PIK3CG: variants seen among roughly 807,000 people sequenced by gnomAD.
The protein encoded by PIK3CG is phosphatidylinositol-4,5-bisphosphate 3-kinase catalytic subunit gamma.
A neutral mutation model predicts 102.3 loss-of-function variants in PIK3CG; 55 were observed. The observed-to-expected ratio is 0.54, with a 90% CI of 0.43 to 0.67. PIK3CG has a LOEUF of 0.67. Ranked by LOEUF, PIK3CG falls within the 30% of genes least tolerant of loss-of-function variation. The pLI, the probability that PIK3CG is intolerant of heterozygous loss-of-function variation, is 0.00. For synonymous variants in PIK3CG, 552 were observed against 540.0 expected, an observed-to-expected ratio of 1.02 and a Z score of -0.31; for missense variants, 1,258 against 1,391.8, an observed-to-expected ratio of 0.90 and a Z score of 1.53.
At position 106,905,536 on chromosome 7, in the gene PIK3CG, G is replaced by A; in HGVS notation, c.*149G>A. The A allele has an allele frequency of 1.4e-6, 1 of 703,088 alleles. No homozygotes were observed. Among genetic ancestry groups the A allele is most frequent in the Non-Finnish European group, 2.3e-6 (1 of 428,342 alleles). 43.6% of individuals were successfully genotyped at this position (703,088 alleles called of 1,614,324 possible). The stretch of plus-strand genomic sequence containing the variant: ...TTTCCTACCTGAACTCTTCCCTGGA[G>A]AAAAGATGTTGGCATTGCTGATTGT... On this transcript the variant is annotated 3_prime_UTR_variant, in exon 11 of 11. Transcript: ENST00000496166. This position sits in a 1 kb window ranked among gnomAD's most constrained non-coding sequence, Gnocchi z 5.6.
chr7:106,869,482 A>G lies in PIK3CG; in HGVS notation c.1921A>G (p.Arg641Gly), dbSNP rs1386026651. ...CTGCAACTTCTCAGATGAAAATGTA[A>G]GAGCCATTGCAGTTCAGAAACTGGA... ...LDCNFSDENV[R>G]AIAVQKLESL... The change falls in exon 2 of 11, where the codon AGA becomes GGA. Residue 641 changes from arginine to glycine, a missense_variant. By Grantham distance (125) the Arg-to-Gly change is moderately radical. Transcript: ENST00000496166. The surrounding 1 kb of genome is among the most constrained non-coding windows in gnomAD (Gnocchi z 5.3). 1 of 1,614,206 alleles carries G rather than the reference A, an allele frequency of 6.2e-7. No individual in the cohort carries two copies. The highest frequency in any genetic ancestry group is 8.5e-7 in the Non-Finnish European group (1 of 1,179,998).
Position 106,897,690 on chromosome 7 carries a change from G to A in PIK3CG, c.3031-7419G>A, listed in dbSNP as rs1388957285. On this transcript the variant is annotated intron_variant, in intron 10 of 10. Coordinates refer to ENST00000496166, the MANE Select transcript of PIK3CG (RefSeq NM_001282426.2). The surrounding 1 kb of genome is among the most constrained non-coding windows in gnomAD (Gnocchi z 4.6). Reference sequence around the variant, plus strand: ...GATAATAGCCCCCAGCTCCATCCATGTTCCCGCAAAAGACATGATCTCATT... The same window carrying A: ...GATAATAGCCCCCAGCTCCATCCATATTCCCGCAAAAGACATGATCTCATT... Among the ~76,000 whole-genome samples, 3 of 152,150 alleles carry A rather than the reference G, an allele frequency of 2.0e-5. No homozygotes were observed. The highest frequency in any genetic ancestry group is 7.2e-5 in the African/African-American group (3 of 41,436).
rs1317037867 is a variant in PIK3CG, at chr7:106,880,930, C to T, written c.2539-1187C>T. Among the ~76,000 whole-genome samples, 3 of 152,106 alleles carry T rather than the reference C, an allele frequency of 2.0e-5. No homozygotes were observed. Among genetic ancestry groups the T allele is most frequent in the Admixed American group, 6.5e-5 (1 of 15,280 alleles). On this transcript the variant is annotated intron_variant, in intron 6 of 10. Transcript: ENST00000496166. The surrounding 1 kb of genome is among the most constrained non-coding windows in gnomAD (Gnocchi z 4.2). ...GGCTCAATGAATCCTCCCACCTCAG[C>T]CTCCCACACAACTTTCACAGTCTTC...
In PIK3CG at chr7:106,905,412, A is replaced by G. The variant is rs2116620473; in HGVS notation, c.*25A>G. ...ATACTTTAGGCTAGAATCAAAAACA[A>G]GTTAGTGTTCTATGGTTTAAATTAG... On this transcript the variant is annotated 3_prime_UTR_variant, in exon 11 of 11. Coordinates refer to ENST00000496166, the MANE Select transcript of PIK3CG (RefSeq NM_001282426.2). This position sits in a 1 kb window ranked among gnomAD's most constrained non-coding sequence, Gnocchi z 5.6. 1 of 1,597,880 alleles carries G rather than the reference A, an allele frequency of 6.3e-7. No homozygotes were observed. Among genetic ancestry groups the G allele is most frequent in the Non-Finnish European group, 8.5e-7 (1 of 1,170,236 alleles).
rs376958957 is a variant in PIK3CG, at chr7:106,868,411, G to C, written c.850G>C (p.Glu284Gln). ...TGGCCGGGATGAGTACCTGGTGGGC[G>C]AAACGCCCATCAAAAACTTCCAGTG... ...VCGRDEYLVG[E>Q]TPIKNFQWVR... is the part of the protein sequence containing the mutation. The change falls in exon 2 of 11, where the codon GAA becomes CAA. Residue 284 changes from glutamate to glutamine, a missense_variant. This residue lies in a region of PIK3CG where 832 missense variants were observed against 787.5 expected (regional missense o/e 1.06). Transcript: ENST00000496166. The surrounding 1 kb of genome is among the most constrained non-coding windows in gnomAD (Gnocchi z 6.2). 2 of 1,614,226 alleles carry C rather than the reference G, an allele frequency of 1.2e-6. No individual in the cohort carries two copies. The highest frequency in any genetic ancestry group is 1.7e-6 in the Non-Finnish European group (2 of 1,180,042).
At chr7:106,871,518 A>G (rs1418041708) in intron 2 of PIK3CG, among the ~76,000 whole-genome samples, 1 of 152,218 alleles carries the variant, frequency 6.6e-6, no homozygotes, top group African/African-American at 2.4e-5. Flanking sequence ...ATAAACTAGA[A>G]TGTGAATTTC....
Position 106,883,190 on chromosome 7 carries a change from A to G in PIK3CG, c.2760+27A>G. On this transcript the variant is annotated intron_variant, in intron 8 of 10. Coordinates refer to ENST00000496166, the MANE Select transcript of PIK3CG (RefSeq NM_001282426.2). The surrounding 1 kb of genome is among the most constrained non-coding windows in gnomAD (Gnocchi z 5.8). ...TGAGCTCATGCTTTTTCCCAGTCTA[A>G]TGGCTCCTTACAAGTTGTCATTTAT... 6 of 1,613,380 alleles carry G rather than the reference A, an allele frequency of 3.7e-6. No individual in the cohort carries two copies. The highest frequency in any genetic ancestry group is 5.1e-6 in the Non-Finnish European group (6 of 1,179,396).
At position 106,880,001 on chromosome 7, in the gene PIK3CG, T is replaced by A. The variant is rs1393301674; in HGVS notation, c.2538+336T>A. ...TTATCCCCAGCACTCACTTCATTCC[T>A]GCCCATAGACATGTCTGCACATCTC... On this transcript the variant is annotated intron_variant, in intron 6 of 10. Transcript: ENST00000496166. The surrounding 1 kb of genome is among the most constrained non-coding windows in gnomAD (Gnocchi z 4.2). Among the ~76,000 whole-genome samples the A allele has an allele frequency of 6.6e-6, 1 of 152,232 alleles. No homozygotes were observed. The highest frequency in any genetic ancestry group is 2.4e-5 in the African/African-American group (1 of 41,474).
chr7:106,891,836 C>T lies in PIK3CG; in HGVS notation c.3030+5544C>T, dbSNP rs1791272142. ...AAATTTTCTTGCCAGTTTTATCAGG[C>T]CCACCCTGTTTCCAGTTCCGCAGTC... is the stretch of plus-strand genomic sequence containing the variant. On this transcript the variant is annotated intron_variant, in intron 10 of 10. Transcript: ENST00000496166. The surrounding 1 kb of genome is among the most constrained non-coding windows in gnomAD (Gnocchi z 4.4). Among the ~76,000 whole-genome samples, 2 of 151,996 alleles carry T rather than the reference C, an allele frequency of 1.3e-5. No individual in the cohort carries two copies. Among genetic ancestry groups the T allele is most frequent in the South Asian group, 4.2e-4 (2 of 4,796 alleles).
In PIK3CG at chr7:106,879,926, CT is replaced by C. The variant is rs1257036762; in HGVS notation, c.2538+267del. On this transcript the variant is annotated intron_variant, in intron 6 of 10. Coordinates refer to ENST00000496166, the MANE Select transcript of PIK3CG (RefSeq NM_001282426.2). This position sits in a 1 kb window ranked among gnomAD's most constrained non-coding sequence, Gnocchi z 4.9. ...CAGATATACCTCCCTCACCTAATGT[CT>C]TTTTTATACACCCCATTCTAAGCTT... Among the ~76,000 whole-genome samples the C allele has an allele frequency of 6.6e-6, 1 of 152,114 alleles. No homozygotes were observed. Among genetic ancestry groups the C allele is most frequent in the Non-Finnish European group, 1.5e-5 (1 of 68,022 alleles).
chr7:106,894,217 C>A lies in PIK3CG; in HGVS notation c.3030+7925C>A, dbSNP rs527563367. ...ATCTCCAAATAGTCCACCTTAAATC[C>A]TTTTTGGAACAAGGCTGAAGGATAA... On this transcript the variant is annotated intron_variant, in intron 10 of 10. Coordinates refer to ENST00000496166, the MANE Select transcript of PIK3CG (RefSeq NM_001282426.2). The surrounding 1 kb of genome is among the most constrained non-coding windows in gnomAD (Gnocchi z 4.4). Among the ~76,000 whole-genome samples, 2 of 152,040 alleles carry A rather than the reference C, an allele frequency of 1.3e-5. No individual in the cohort carries two copies. The highest frequency in any genetic ancestry group is 3.9e-4 in the East Asian group (2 of 5,188).
rs2116469400 is a variant in PIK3CG, at chr7:106,869,615, C to T, written c.1995+59C>T. On this transcript the variant is annotated intron_variant, in intron 2 of 10. Transcript: ENST00000496166. The surrounding 1 kb of genome is among the most constrained non-coding windows in gnomAD (Gnocchi z 5.3). ...CTCAAAAGGAATTGATTTGCATATGCACAGGCACTCCATTCAGTTGTCATC... is the reference window on the plus strand; with the variant it reads ...CTCAAAAGGAATTGATTTGCATATGTACAGGCACTCCATTCAGTTGTCATC... 1.5e-6 allele frequency: 2 copies of T among 1,345,776 alleles called. No individual in the cohort carries two copies. Among genetic ancestry groups the T allele is most frequent in the Non-Finnish European group, 2.0e-6 (2 of 985,840 alleles). The allele number at this position is 1,345,776 out of a possible 1,614,324, so 83.4% of individuals were successfully genotyped here. A position where few individuals can be genotyped will look rare whatever the true frequency, so the allele number is the denominator to read the frequency against.
rs1401337314 is a variant in PIK3CG, at chr7:106,872,432, C to A, written c.1996-105C>A. On this transcript the variant is annotated intron_variant, in intron 2 of 10. Coordinates refer to ENST00000496166, the MANE Select transcript of PIK3CG (RefSeq NM_001282426.2). The surrounding 1 kb of genome is among the most constrained non-coding windows in gnomAD (Gnocchi z 5.3). ...CTGTTAAGATTTTCATCTTTCTAGC[C>A]GTGAAGACCCAGTAAAGCAGAGCAC... The A allele has an allele frequency of 1.2e-6, 1 of 863,560 alleles. No individual in the cohort carries two copies. The highest frequency in any genetic ancestry group is 2.1e-5 in the Admixed American group (1 of 47,988). 53.5% of individuals were successfully genotyped at this position (863,560 alleles called of 1,614,324 possible).
At position 106,867,509 on chromosome 7, in the gene PIK3CG, T is replaced by C. The variant is rs546879677; in HGVS notation, c.-12-41T>C. On this transcript the variant is annotated intron_variant, in intron 1 of 10. Coordinates refer to ENST00000496166, the MANE Select transcript of PIK3CG (RefSeq NM_001282426.2). The surrounding 1 kb of genome is among the most constrained non-coding windows in gnomAD (Gnocchi z 5.1). ...CTCACCAGAAAATATAAGGGGAAAGTGCCTTTCTTGTGACAAATCCCTGTG... is the reference window on the plus strand; with the variant it reads ...CTCACCAGAAAATATAAGGGGAAAGCGCCTTTCTTGTGACAAATCCCTGTG... 1.4e-4 allele frequency: 210 copies of C among 1,497,010 alleles called. 1 individual carries two copies. The South Asian group carries it at 2.6e-3, about 19-fold the overall frequency. The allele number at this position is 1,497,010 out of a possible 1,614,324, so 92.7% of individuals were successfully genotyped here. A position where few individuals can be genotyped will look rare whatever the true frequency, so the allele number is the denominator to read the frequency against.
In PIK3CG at chr7:106,907,754, AAT is replaced by A. The variant is rs201378327; in HGVS notation, c.*2377_*2378del. 1.3e-4 allele frequency among the ~76,000 whole-genome samples: 19 copies of A among 143,444 alleles called. No individual in the cohort carries two copies. Among genetic ancestry groups the A allele is most frequent in the Non-Finnish European group, 2.3e-4 (15 of 65,144 alleles). 94.1% of individuals were successfully genotyped at this position (143,444 alleles called of 152,430 possible). ...TATATATATATAACATATATATGCT[AAT>A]ATATATATAACATATATATGCTAAT... On this transcript the variant is annotated 3_prime_UTR_variant, in exon 11 of 11. Coordinates refer to ENST00000496166, the MANE Select transcript of PIK3CG (RefSeq NM_001282426.2).
At position 106,895,504 on chromosome 7, in the gene PIK3CG, G is replaced by A. The variant is rs1791385179; in HGVS notation, c.3030+9212G>A. On this transcript the variant is annotated intron_variant, in intron 10 of 10. Coordinates refer to ENST00000496166, the MANE Select transcript of PIK3CG (RefSeq NM_001282426.2). The surrounding 1 kb of genome is among the most constrained non-coding windows in gnomAD (Gnocchi z 5.4). ...CCCAGGGTGAGAGAACCACCTGCAG[G>A]AAGCCAGTGTTGCTGTATGCTTCCA... Among the ~76,000 whole-genome samples, 1 of 152,210 alleles carries A rather than the reference G, an allele frequency of 6.6e-6. No homozygotes were observed. The highest frequency in any genetic ancestry group is 1.5e-5 in the Non-Finnish European group (1 of 68,034).
At chr7:106,896,546 C>A (rs1415457662) in intron 10 of PIK3CG, among the ~76,000 whole-genome samples, 4 of 152,068 alleles carry the variant, frequency 2.6e-5, no homozygotes, top group Non-Finnish European at 5.9e-5. Context: ...CTCAGTGGGT[C>A]CTACGGATGA....
Position 106,867,695 on chromosome 7 carries a change from C to G in PIK3CG, c.134C>G (p.Pro45Arg), listed in dbSNP as rs1234431076. 6.2e-7 allele frequency: 1 copy of G among 1,613,282 alleles called. No individual in the cohort carries two copies. Among genetic ancestry groups the G allele is most frequent in the South Asian group, 1.1e-5 (1 of 91,082 alleles). The change falls in exon 2 of 11, where the codon CCC (proline) becomes CGC (arginine). Residue 45 changes from proline (P) to arginine (R), a missense_variant. Physicochemically the swap from Pro to Arg is moderately radical, Grantham distance 103 (BLOSUM62 -2). Around this residue, in one of 2 missense-constraint regions of PIK3CG, gnomAD observed 832 missense variants for 787.5 expected, o/e 1.06. Transcript: ENST00000496166. This position sits in a 1 kb window ranked among gnomAD's most constrained non-coding sequence, Gnocchi z 5.1. ...MELIPIEFVL[P>R]TSQRKCKSPE... ...CTCATCCCCATCGAGTTCGTGCTGCCCACCAGCCAGCGCAAATGCAAGAGC... is the reference window on the plus strand; with the variant it reads ...CTCATCCCCATCGAGTTCGTGCTGCGCACCAGCCAGCGCAAATGCAAGAGC...
intron 10 of PIK3CG, among the ~76,000 whole-genome samples, chr7:106,896,997 TTA>T (rs1791425336): frequency 6.6e-6 from 1 of 152,148 alleles, no homozygotes; most frequent in African/African-American, 2.4e-5. Flanking sequence ...TCCTATAAAT[TTA>T]TATTCTTTTT....
Sources: allele counts gnomAD v4.1 joint callset (sites outside exome capture counted in the v4.1 genomes callset), GRCh38; gene constraint gnomAD v4.1.1; regional missense constraint gnomAD v4.1.1; non-coding constraint Gnocchi (gnomAD v3.1); transcripts MANE v1.5; gene names NCBI Gene and HGNC (gene_info 2026-07-23, HGNC 2026-07-21).